The following AURKC variants were observed in gnomAD, a reference collection of about 807,000 sequenced individuals.
AURKC encodes aurora kinase C, also known as ARK-3.
A neutral mutation model predicts 29.2 loss-of-function variants in AURKC; 15 were observed. The observed-to-expected ratio is 0.51, with a 90% CI of 0.34 to 0.79. The LOEUF is 0.79. Among genes scored for constraint, AURKC ranks in the 30% least tolerant of loss-of-function variants. The probability of loss-of-function intolerance (pLI) is 0.01; values close to 1 mark genes in which losing one functional copy is unlikely to be tolerated. For synonymous variants in AURKC, 150 were observed against 149.9 expected, an observed-to-expected ratio of 1.00 and a Z score of -0.01; for missense variants, 332 against 383.2, an observed-to-expected ratio of 0.87 and a Z score of 1.12.
chr19:57,235,241 C>T lies in AURKC; in HGVS notation c.760-6C>T, dbSNP rs369468912. The T allele has an allele frequency of 3.1e-6, 5 of 1,614,102 alleles. No homozygotes were observed. The highest frequency in any genetic ancestry group is 1.6e-4 in the Middle Eastern group (1 of 6,082). On this transcript the variant is annotated splice_polypyrimidine_tract_variant and splice_region_variant and intron_variant, in intron 6 of 6. Transcript: ENST00000302804. Reference sequence around the variant, plus strand: ...ACTTCTCTTTCTTCTTTCCTGGCCTCATCAGGTAGATGTGAGGTTTCCACT... The same window carrying T: ...ACTTCTCTTTCTTCTTTCCTGGCCTTATCAGGTAGATGTGAGGTTTCCACT...
intron 6 of AURKC, 35 bp from the exon 7 acceptor site, chr19:57,235,212 C>T (rs143173726): frequency 4.3e-6 from 7 of 1,613,596 alleles, no homozygotes; most frequent in Non-Finnish European, 5.9e-6. Flanking sequence ...AAGAAATTAA[C>T]CAGACTTCTC....
Position 57,232,150 on chromosome 19 carries a change from C to T in AURKC, c.222C>T (p.Leu74=), listed in dbSNP as rs142351971. 340 of 1,614,160 alleles carry T rather than the reference C, an allele frequency of 2.1e-4. 2 individuals carry two copies. The African/African-American group carries it at 4.1e-3, about 20-fold the overall frequency. Residue 74 remains leucine, a synonymous_variant, in exon 3 of 7, where the codon CTC becomes CTT. Coordinates refer to ENST00000302804, the MANE Select transcript of AURKC (RefSeq NM_001015878.2). The surrounding 1 kb of genome is among the most constrained non-coding windows in gnomAD (Gnocchi z 4.5). ...ESHFIVALKV[L]FKSQIEKEGL... Reference sequence around the variant, plus strand: ...ATTTCATTGTGGCCCTGAAGGTTCTCTTCAAGTCGCAGATAGAGAAGGAAG... The same window carrying T: ...ATTTCATTGTGGCCCTGAAGGTTCTTTTCAAGTCGCAGATAGAGAAGGAAG...
chr19:57,233,800 T>C (rs1418941427), intron 5 of AURKC, among the ~76,000 whole-genome samples, 192 bp downstream of exon 5: 1 of 151,680 alleles, frequency 6.6e-6, no homozygotes, highest in African/African-American at 2.4e-5. Context: ...CAGGCTGGAG[T>C]GCAGGGGCAC....
chr19:57,231,057 C>G lies in AURKC; in HGVS notation c.-192C>G. The G allele has an allele frequency of 2.2e-6, 3 of 1,360,536 alleles. No individual in the cohort carries two copies. Among genetic ancestry groups the G allele is most frequent in the East Asian group, 2.5e-5 (1 of 40,240 alleles). 84.3% of individuals were successfully genotyped at this position (1,360,536 alleles called of 1,614,324 possible). ...GTGCCGGGTATAAAAGAAGGCCGCG[C>G]AGCCACGGCTGCTCACGACGCCGCG... On this transcript the variant is annotated 5_prime_UTR_variant, in exon 1 of 7. Transcript: ENST00000302804.
chr19:57,234,877 C>T lies in AURKC; in HGVS notation c.585-7C>T. Reference sequence around the variant, plus strand: ...TAGTACTTATTCCCTTTTCTGCCTTCCTCTAGGAGGAAGACAATGTGTGGG... The same window carrying T: ...TAGTACTTATTCCCTTTTCTGCCTTTCTCTAGGAGGAAGACAATGTGTGGG... On this transcript the variant is annotated splice_polypyrimidine_tract_variant and splice_region_variant and intron_variant, in intron 5 of 6. Coordinates refer to ENST00000302804, the MANE Select transcript of AURKC (RefSeq NM_001015878.2). The T allele has an allele frequency of 1.1e-5, 17 of 1,614,176 alleles. No individual in the cohort carries two copies. Among genetic ancestry groups the T allele is most frequent in the Non-Finnish European group, 1.4e-5 (17 of 1,180,026 alleles).
At position 57,231,785 on chromosome 19, in the gene AURKC, C is replaced by T; in HGVS notation, c.102C>T (p.Ala34=). The change falls in exon 2 of 7, where the codon GCC becomes GCT. Residue 34 remains alanine, a splice_region_variant and synonymous_variant. Coordinates refer to ENST00000302804, the MANE Select transcript of AURKC (RefSeq NM_001015878.2). ...NQTAQQPSSP[A]MRRLTVDDFE... is the part of the protein sequence containing the mutation. Reference sequence around the variant, plus strand: ...CAGCCCAGCAGCCCAGCAGCCCAGCCATGTGAGTCCCTTGGGATTGGTATC... The same window carrying T: ...CAGCCCAGCAGCCCAGCAGCCCAGCTATGTGAGTCCCTTGGGATTGGTATC... 6.2e-7 allele frequency: 1 copy of T among 1,613,676 alleles called. No homozygotes were observed. Among genetic ancestry groups the T allele is most frequent in the Non-Finnish European group, 8.5e-7 (1 of 1,179,736 alleles).
In AURKC at chr19:57,233,497, A is replaced by G. The variant is rs771521821; in HGVS notation, c.473A>G (p.His158Arg). The change falls in exon 5 of 7, where the codon CAT (histidine) becomes CGT (arginine). Residue 158 changes from histidine (H) to arginine (R), a missense_variant. By Grantham distance (29) the His-to-Arg change is conservative. Coordinates refer to ENST00000302804, the MANE Select transcript of AURKC (RefSeq NM_001015878.2). ...TTGGCAGATGCCCTGACCTACTGCC[A>G]TGACAAGAAAGTGATTCACAGAGAT... ...EELADALTYC[H>R]DKKVIHRDIK... is the part of the protein sequence containing the mutation. The G allele has an allele frequency of 4.3e-6, 7 of 1,614,106 alleles. No homozygotes were observed. Among genetic ancestry groups the G allele is most frequent in the Non-Finnish European group, 5.1e-6 (6 of 1,180,056 alleles).
In AURKC at chr19:57,235,499, CTT is replaced by C. The variant is rs1456579512; in HGVS notation, c.*85_*86del. 2.6e-6 allele frequency: 4 copies of C among 1,537,114 alleles called. No homozygotes were observed. Among genetic ancestry groups the C allele is most frequent in the Non-Finnish European group, 3.6e-6 (4 of 1,117,406 alleles). The stretch of plus-strand genomic sequence containing the variant: ...ACCTCATTTGTCTTTATTTTTTTCT[CTT>C]TTAAGATGTAAGATGCTAATTAATA... On this transcript the variant is annotated 3_prime_UTR_variant, in exon 7 of 7. Coordinates refer to ENST00000302804, the MANE Select transcript of AURKC (RefSeq NM_001015878.2).
In AURKC at chr19:57,235,397, T is replaced by C. The variant is rs1352742293; in HGVS notation, c.910T>C (p.Cys304Arg). The C allele has an allele frequency of 6.2e-7, 1 of 1,613,862 alleles. No homozygotes were observed. Among genetic ancestry groups the C allele is most frequent in the African/African-American group, 1.3e-5 (1 of 74,930 alleles). The change falls in exon 7 of 7, where the codon TGT (cysteine) becomes CGT (arginine). Residue 304 changes from cysteine to arginine, a missense_variant. Cys to Arg is a radical substitution (Grantham distance 180). Transcript: ENST00000302804. Reference sequence around the variant, plus strand: ...CCACTCCCGAAGGGTGCTGCCTCCCTGTGCTCAGATGGCTTCCTGAGCCCT... The same window carrying C: ...CCACTCCCGAAGGGTGCTGCCTCCCCGTGCTCAGATGGCTTCCTGAGCCCT... The part of the protein sequence containing the change: ...QAHSRRVLPP[C>R]AQMAS
At position 57,233,487 on chromosome 19, in the gene AURKC, A is replaced by T. The variant is rs1313709159; in HGVS notation, c.463A>T (p.Thr155Ser). 2.4e-5 allele frequency: 39 copies of T among 1,614,190 alleles called. No individual in the cohort carries two copies. Among genetic ancestry groups the T allele is most frequent in the Non-Finnish European group, 3.2e-5 (38 of 1,180,044 alleles). ...TIIEELADAL[T>S]YCHDKKVIHR... is the part of the protein sequence containing the mutation. ...AATAGAGGAGTTGGCAGATGCCCTGACCTACTGCCATGACAAGAAAGTGAT... is the reference window on the plus strand; with the variant it reads ...AATAGAGGAGTTGGCAGATGCCCTGTCCTACTGCCATGACAAGAAAGTGAT... The change falls in exon 5 of 7, where the codon ACC (threonine) becomes TCC (serine). Residue 155 changes from threonine to serine, a missense_variant. Transcript: ENST00000302804.
chr19:57,232,321 A>C lies in AURKC; in HGVS notation c.296+97A>C. The C allele has an allele frequency of 6.7e-7, 1 of 1,495,238 alleles. No individual in the cohort carries two copies. The highest frequency in any genetic ancestry group is 9.1e-7 in the Non-Finnish European group (1 of 1,093,528). The allele number at this position is 1,495,238 out of a possible 1,614,324, so 92.6% of individuals were successfully genotyped here. A position where few individuals can be genotyped will look rare whatever the true frequency, so the allele number is the denominator to read the frequency against. ...AAGTAAACCCTGCACTTGTACCTTG[A>C]AGACTTCTCTGCAGTTCATTCCATT... On this transcript the variant is annotated intron_variant, in intron 3 of 6. Transcript: ENST00000302804. The surrounding 1 kb of genome is among the most constrained non-coding windows in gnomAD (Gnocchi z 4.5).
At chr19:57,233,684 C>T in intron 5 of AURKC, 76 bp downstream of exon 5, 1 of 1,594,190 alleles carries the variant, frequency 6.3e-7, no homozygotes, top group South Asian at 1.1e-5. Flanking sequence ...TTTCATGTGT[C>T]CATGTGTAAA....
rs752259384 is a variant in AURKC, at chr19:57,234,919, C to T, written c.620C>T (p.Pro207Leu). 7.9e-5 allele frequency: 127 copies of T among 1,614,014 alleles called. No individual in the cohort carries two copies. The highest frequency in any genetic ancestry group is 1.3e-4 in the East Asian group (6 of 44,890). ...ATGTGTGGGACACTGGACTACTTGCCGCCAGAAATGATTGAGGGGAGAACA... is the reference window on the plus strand; with the variant it reads ...ATGTGTGGGACACTGGACTACTTGCTGCCAGAAATGATTGAGGGGAGAACA... ...KTMCGTLDYL[P>L]PEMIEGRTYD... is the part of the protein sequence containing the mutation. The change falls in exon 6 of 7, where the codon CCG becomes CTG. Residue 207 changes from proline (P) to leucine (L), a missense_variant. Transcript: ENST00000302804.
In AURKC at chr19:57,232,673, C is replaced by T. The variant is rs1301622606; in HGVS notation, c.428C>T (p.Thr143Ile). 1 of 1,613,570 alleles carries T rather than the reference C, an allele frequency of 6.2e-7. No individual in the cohort carries two copies. The highest frequency in any genetic ancestry group is 1.3e-5 in the African/African-American group (1 of 74,930). ...AGCGAGAAATTAGATGAACAGCGCA[C>T]AGCCACGGTGAGGTGCGGGTCTGGA... Reference protein sequence around the residue: ...QKSEKLDEQRTATIIEELADA... With the variant: ...QKSEKLDEQRIATIIEELADA... The change falls in exon 4 of 7, where the codon ACA becomes ATA. Residue 143 changes from threonine (T) to isoleucine (I), a missense_variant. Thr to Ile is a moderately conservative substitution (Grantham distance 89, BLOSUM62 -1). Transcript: ENST00000302804. This position sits in a 1 kb window ranked among gnomAD's most constrained non-coding sequence, Gnocchi z 4.5.
At position 57,233,448 on chromosome 19, in the gene AURKC, T is replaced by C. The variant is rs1347358095; in HGVS notation, c.436-12T>C. On this transcript the variant is annotated splice_polypyrimidine_tract_variant and intron_variant, in intron 4 of 6. Coordinates refer to ENST00000302804, the MANE Select transcript of AURKC (RefSeq NM_001015878.2). ...GCTTCACTTCCAGGGTGACTTTTCT[T>C]TGCACCCACAGATAATAGAGGAGTT... 6.2e-7 allele frequency: 1 copy of C among 1,614,034 alleles called. No individual in the cohort carries two copies. The highest frequency in any genetic ancestry group is 1.3e-5 in the African/African-American group (1 of 74,922).
At chr19:57,233,724 G>T in intron 5 of AURKC, 116 bp downstream of exon 5, 3 of 1,380,720 alleles carry the variant, frequency 2.2e-6, no homozygotes, top group Non-Finnish European at 3.1e-6. Flanking sequence ...GTTTCTATTG[G>T]AATACTGCCT....
At position 57,231,551 on chromosome 19, in the gene AURKC, T is replaced by C. The variant is rs187215003; in HGVS notation, c.59-191T>C. ...TCCTCCCCTCCCTACCTTACCTTAC[T>C]CTTTCTTCTTCCCCTTACCTCTCCC... On this transcript the variant is annotated intron_variant, in intron 1 of 6. Transcript: ENST00000302804. The C allele has an allele frequency of 1.5e-3, 1,094 of 724,818 alleles. 10 individuals are homozygous for C. The African/African-American group carries it at 0.016, about 10-fold the overall frequency. 44.9% of individuals were successfully genotyped at this position (724,818 alleles called of 1,614,324 possible).
At position 57,233,453 on chromosome 19, in the gene AURKC, C is replaced by T. The variant is rs1459801274; in HGVS notation, c.436-7C>T. 6.2e-6 allele frequency: 10 copies of T among 1,614,008 alleles called. No homozygotes were observed. The highest frequency in any genetic ancestry group is 1.1e-5 in the South Asian group (1 of 91,082). Reference sequence around the variant, plus strand: ...ACTTCCAGGGTGACTTTTCTTTGCACCCACAGATAATAGAGGAGTTGGCAG... The same window carrying T: ...ACTTCCAGGGTGACTTTTCTTTGCATCCACAGATAATAGAGGAGTTGGCAG... On this transcript the variant is annotated splice_polypyrimidine_tract_variant and splice_region_variant and intron_variant, in intron 4 of 6. Transcript: ENST00000302804.
At position 57,235,380 on chromosome 19, in the gene AURKC, G is replaced by A. The variant is rs575228273; in HGVS notation, c.893G>A (p.Arg298Gln). 1.5e-5 allele frequency: 24 copies of A among 1,614,028 alleles called. No individual in the cohort carries two copies. In the South Asian group the frequency reaches 1.8e-4, roughly 12 times the overall value. The change falls in exon 7 of 7, where the codon CGA (arginine) becomes CAA (glutamine). Residue 298 changes from arginine (R) to glutamine (Q), a missense_variant. Arg to Gln is a conservative substitution (Grantham distance 43). Transcript: ENST00000302804. ...CACCCCTGGGTTCAGGCCCACTCCC[G>A]AAGGGTGCTGCCTCCCTGTGCTCAG... ...LKHPWVQAHSRRVLPPCAQMA... is the reference protein window; with the variant it reads ...LKHPWVQAHSQRVLPPCAQMA...
Sources: allele counts gnomAD v4.1 joint callset (sites outside exome capture counted in the v4.1 genomes callset), GRCh38; gene constraint gnomAD v4.1.1; non-coding constraint Gnocchi (gnomAD v3.1); transcripts MANE v1.5; gene names NCBI Gene and HGNC (gene_info 2026-07-23, HGNC 2026-07-21).